The following C2CD3 variants were observed in gnomAD, a reference collection of about 807,000 sequenced individuals.
C2CD3 encodes the protein C2 domain-containing protein 3.
Under a neutral mutation model 234.0 loss-of-function variants are expected in C2CD3, and 148 were observed. The ratio of observed to expected loss-of-function variants is 0.63; its 90% confidence interval spans 0.55 to 0.72. C2CD3 has a LOEUF of 0.72. Ranked by LOEUF, C2CD3 falls within the 30% of genes least tolerant of loss-of-function variation. The pLI is 0.00. For missense variants in C2CD3, 2,577 were observed against 2,811.5 expected (o/e 0.92, Z 1.89); for synonymous variants, 1,000 against 1,035.4 (o/e 0.97, Z 0.66).
rs1590927935 is a variant in C2CD3 at position 74,143,567 on chromosome 11, A to C, written c.484-3739T>G. On this transcript the variant is annotated intron_variant, in intron 3 of 32. Transcript: ENST00000334126. Reference sequence around the variant, plus strand: ...TATATATATTTAATATATATTTTATATATTTTAGGGGTCTTGCTCTGTTTC... The same window carrying C: ...TATATATATTTAATATATATTTTATCTATTTTAGGGGTCTTGCTCTGTTTC... Among the ~76,000 whole-genome samples, 5 of 148,356 alleles carry C rather than the reference A, an allele frequency of 3.4e-5. No homozygotes were observed. The South Asian group carries it at 1.1e-3, about 31-fold the overall frequency.
chr11:74,084,857 A>T (rs200676761), intron 22 of C2CD3, 24 bp downstream of exon 22: 15 of 1,413,442 alleles, frequency 1.1e-5, no homozygotes, highest in Non-Finnish European at 1.4e-5. Context: ...GTGGCATCAG[A>T]AAGTGATAAT....
chr11:74,150,502 AAAAAAAAAAAAAACAAAAAAAAAAC>A (rs1449041552), intron 3 of C2CD3, among the ~76,000 whole-genome samples: 9 of 114,796 alleles, frequency 7.8e-5, no homozygotes, highest in African/African-American at 3.2e-4. Context: ...CAAAAAAAAA[AAAAAAAAAAAAAACAAAAAAAAAAC>A]AAAACAAATT....
In C2CD3 at chr11:74,078,394, A is replaced by G. The variant is rs1477974814; in HGVS notation, c.4324T>C (p.Tyr1442His). 6.2e-7 allele frequency: 1 copy of G among 1,614,058 alleles called. No homozygotes were observed. Among genetic ancestry groups the G allele is most frequent in the African/African-American group, 1.3e-5 (1 of 74,922 alleles). The change falls in exon 23 of 33, where the codon TAT becomes CAT. Residue 1442 changes from tyrosine (Y) to histidine (H), a missense_variant. Tyr to His is a moderately conservative substitution (Grantham distance 83, BLOSUM62 2). Transcript: ENST00000334126. ...NTYCYLRYKF[Y>H]DHEAFWTPLK... ...GGGGTCCAAAAGGCTTCATGATCAT[A>G]GAACTTGTAGCGAAGGTAGCAATAT...
chr11:74,168,114 C>G (rs1856923375), intron 2 of C2CD3: 1 of 464,266 alleles, frequency 2.2e-6, no homozygotes, highest in Admixed American at 3.8e-5. Flanking sequence ...AGAGAAAATA[C>G]CTATCTTTCA....
At chr11:74,044,265 G>GACC (rs1472492534) in intron 28 of C2CD3, among the ~76,000 whole-genome samples, 2 of 152,116 alleles carry the variant, frequency 1.3e-5, no homozygotes, top group African/African-American at 4.8e-5. Context: ...AGACCATAGT[G>GACC]ACCAATATGG....
At position 74,049,086 on chromosome 11, in the gene C2CD3, T is replaced by C. The variant is rs56334028; in HGVS notation, c.5361+251A>G. 0.075 allele frequency among the ~76,000 whole-genome samples: 11,352 copies of C among 152,270 alleles called. 1,377 individuals carry two copies. The highest frequency in any genetic ancestry group is 0.26 in the African/African-American group (10,686 of 41,500). On this transcript the variant is annotated intron_variant, in intron 27 of 32. Coordinates refer to ENST00000334126, the MANE Select transcript of C2CD3 (RefSeq NM_001286577.2). ...GTTTTATTTGGAAACTGCGATATAA[T>C]TAATGTATTATACAATTCATCCTTT...
At position 74,074,417 on chromosome 11, in the gene C2CD3, G is replaced by A; in HGVS notation, c.4787C>T (p.Pro1596Leu). ...CTGGTGGCAGGAGATGACTTCTGGT[G>A]GAGAGAGCTGGACCTCATCATTCCT... ...PRRNDEVQLS[P>L]PEVISCHQKS... is the part of the protein sequence containing the mutation. Residue 1596 changes from proline to leucine, a missense_variant, in exon 24 of 33, where the codon CCA (proline) becomes CTA (leucine). Pro to Leu is a moderately conservative substitution (Grantham distance 98). Coordinates refer to ENST00000334126, the MANE Select transcript of C2CD3 (RefSeq NM_001286577.2). 6.2e-7 allele frequency: 1 copy of A among 1,614,224 alleles called. No homozygotes were observed. Among genetic ancestry groups the A allele is most frequent in the Non-Finnish European group, 8.5e-7 (1 of 1,180,034 alleles).
At chr11:74,069,057 C>A (rs932772812) in intron 24 of C2CD3, among the ~76,000 whole-genome samples, 1 of 152,212 alleles carries the variant, frequency 6.6e-6, no homozygotes, top group Non-Finnish European at 1.5e-5. Flanking sequence ...CTCAGCCTCC[C>A]AAAGTGCTGG....
At chr11:74,022,781 G>A (rs996628598) in intron 32 of C2CD3, among the ~76,000 whole-genome samples, 5 of 152,234 alleles carry the variant, frequency 3.3e-5, no homozygotes, top group Admixed American at 6.5e-5. Context: ...CAGGGGCAGC[G>A]GAACTTGATT....
Position 74,168,458 on chromosome 11 carries a change from C to T in C2CD3, c.211G>A (p.Asp71Asn), listed in dbSNP as rs1856945409. The change falls in exon 2 of 33, where the codon GAT becomes AAT. Residue 71 changes from aspartate to asparagine, a missense_variant. Asp to Asn is a conservative substitution (Grantham distance 23, BLOSUM62 1). Coordinates refer to ENST00000334126, the MANE Select transcript of C2CD3 (RefSeq NM_001286577.2). The part of the protein sequence containing the change: ...VRVRWWGETS[D>N]GTLFCPRDAL... Reference sequence around the variant, plus strand: ...TCCCTGGGACAAAAGAGGGTTCCATCTGATGTTTCTCCCCACCATCTCACT... The same window carrying T: ...TCCCTGGGACAAAAGAGGGTTCCATTTGATGTTTCTCCCCACCATCTCACT... 1.2e-6 allele frequency: 2 copies of T among 1,614,204 alleles called. No homozygotes were observed. The highest frequency in any genetic ancestry group is 8.5e-7 in the Non-Finnish European group (1 of 1,180,020).
intron 32 of C2CD3, among the ~76,000 whole-genome samples, chr11:74,024,557 G>A (rs1170912841): frequency 1.3e-5 from 2 of 152,132 alleles, no homozygotes; most frequent in African/African-American, 4.8e-5. Context: ...ACAAGATGAT[G>A]GTGCTCCTGC....
In C2CD3 at chr11:74,103,308, ACT is replaced by A; in HGVS notation, c.2401_2402del (p.Ser801CysfsTer18). On this transcript the variant is annotated frameshift_variant, in exon 14 of 33. Coordinates refer to ENST00000334126, the MANE Select transcript of C2CD3 (RefSeq NM_001286577.2). LOFTEE classifies it high-confidence loss of function. ...TCAACAGCACATGCAACAGCAAAGC[ACT>A]CTCTTTTGTTGTCCCATTTGTCTGA... ...VNQTNGTTKE[S>X]ALLLHVLLMV... 6.2e-7 allele frequency: 1 copy of A among 1,614,076 alleles called. No homozygotes were observed. The highest frequency in any genetic ancestry group is 1.1e-5 in the South Asian group (1 of 91,092).
chr11:74,021,270 CA>C (rs1454310226), intron 32 of C2CD3, among the ~76,000 whole-genome samples: 1 of 152,022 alleles, frequency 6.6e-6, no homozygotes, highest in Admixed American at 6.6e-5. Flanking sequence ...AACAAACAAA[CA>C]AAAAACACCA....
intron 26 of C2CD3, among the ~76,000 whole-genome samples, chr11:74,051,202 G>T (rs1953667842): frequency 6.6e-6 from 1 of 151,374 alleles, no homozygotes; most frequent in South Asian, 2.1e-4. Flanking sequence ...AGGCTGAGGT[G>T]GGAGGACTGC....
At chr11:74,047,113 C>G (rs908953473) in intron 28 of C2CD3, among the ~76,000 whole-genome samples, 1 of 152,176 alleles carries the variant, frequency 6.6e-6, no homozygotes, top group African/African-American at 2.4e-5. Context: ...GATAGGATTC[C>G]AGATCTGTCT....
At chr11:74,104,134 A>G (rs1271606849) in intron 13 of C2CD3, among the ~76,000 whole-genome samples, 2 of 152,230 alleles carry the variant, frequency 1.3e-5, no homozygotes, top group East Asian at 3.8e-4. Context: ...GTAATAAGTG[A>G]TTCAGGTTAA....
chr11:74,153,801 A>G (rs1855835833), intron 3 of C2CD3, among the ~76,000 whole-genome samples: 1 of 152,190 alleles, frequency 6.6e-6, no homozygotes, highest in African/African-American at 2.4e-5. Flanking sequence ...ATAAAGCTGC[A>G]GTAATACAGT....
intron 2 of C2CD3, among the ~76,000 whole-genome samples, chr11:74,166,743 A>C (rs1856839836): frequency 6.6e-6 from 1 of 152,194 alleles, no homozygotes; most frequent in Non-Finnish European, 1.5e-5. Context: ...TGGGCAGGGA[A>C]TACATCTCAA....
At position 74,144,231 on chromosome 11, in the gene C2CD3, GT is replaced by G. The variant is rs138778671; in HGVS notation, c.484-4404del. Among the ~76,000 whole-genome samples, 399 of 152,212 alleles carry G rather than the reference GT, an allele frequency of 2.6e-3. 3 individuals are homozygous for G. The highest frequency in any genetic ancestry group is 8.4e-3 in the African/African-American group (349 of 41,514). On this transcript the variant is annotated intron_variant, in intron 3 of 32. Coordinates refer to ENST00000334126, the MANE Select transcript of C2CD3 (RefSeq NM_001286577.2). ...CTTCTTATCATATCCAACTAAATCA[GT>G]TGAGGGGCCAGGGGAAAAAAAGGGC...
Sources: allele counts gnomAD v4.1 joint callset (sites outside exome capture counted in the v4.1 genomes callset), GRCh38; gene constraint gnomAD v4.1.1; transcripts MANE v1.5; gene names NCBI Gene and HGNC (gene_info 2026-07-23, HGNC 2026-07-21).